The following DCDC1 variants were observed in gnomAD, a reference collection of about 807,000 sequenced individuals.
DCDC1 encodes the protein doublecortin domain containing 1, also known as doublecortin domain-containing protein 1.
Under a neutral mutation model 178.3 loss-of-function variants are expected in DCDC1, and 200 were observed. The ratio of observed to expected loss-of-function variants is 1.12; its 90% CI spans 1.00 to 1.26. The LOEUF is 1.26. Among genes scored for constraint, DCDC1 ranks in the 50% most tolerant of loss-of-function variants. The pLI, the probability that DCDC1 is intolerant of heterozygous loss-of-function variation, is 0.00. For missense variants in DCDC1, 1,983 were observed against 1,749.2 expected (o/e 1.13, Z -2.38); for synonymous variants, 690 against 604.8 (o/e 1.14, Z -2.07).
intron 6 of DCDC1, 125 bp downstream of exon 6, chr11:31,305,490 G>A: frequency 7.9e-7 from 1 of 1,262,650 alleles, no homozygotes; most frequent in Non-Finnish European, 1.1e-6. Flanking sequence ...TTACTGAGCT[G>A]TAAATGCGTA....
chr11:31,168,134 G>A (rs1249464047), intron 9 of DCDC1, among the ~76,000 whole-genome samples: 4 of 152,166 alleles, frequency 2.6e-5, no homozygotes, highest in African/African-American at 9.6e-5. Flanking sequence ...CATCAACACT[G>A]GTTTCCTTTT....
At chr11:30,897,988 C>T (rs886687144) in intron 34 of DCDC1, among the ~76,000 whole-genome samples, 13 of 152,080 alleles carry the variant, frequency 8.5e-5, no homozygotes, top group African/African-American at 2.9e-4. Flanking sequence ...TGAGTAGGAG[C>T]GACCTAACAG....
intron 11 of DCDC1, among the ~76,000 whole-genome samples, chr11:31,126,947 T>A (rs1445138660): frequency 6.6e-6 from 1 of 152,212 alleles, no homozygotes; most frequent in African/African-American, 2.4e-5. Context: ...CCAATTCACC[T>A]TTTTTCCCAG....
intron 9 of DCDC1, among the ~76,000 whole-genome samples, chr11:31,144,388 C>T (rs1286146708): frequency 4.6e-5 from 7 of 152,130 alleles, no homozygotes; most frequent in Non-Finnish European, 1.0e-4. Flanking sequence ...CCACCAGCCT[C>T]GGCTTCCCAA....
At chr11:31,233,150 T>G (rs1033507040) in intron 9 of DCDC1, among the ~76,000 whole-genome samples, 11 of 152,068 alleles carry the variant, frequency 7.2e-5, no homozygotes, top group African/African-American at 2.7e-4. Flanking sequence ...ATGAGGTAAG[T>G]ATTATTGTCT....
intron 30 of DCDC1, among the ~76,000 whole-genome samples, chr11:30,905,775 T>C (rs1945012194): frequency 6.6e-6 from 1 of 152,210 alleles, no homozygotes; most frequent in South Asian, 2.1e-4. Context: ...TGCTTTCAGG[T>C]TTCCCAGAGG....
chr11:31,103,831 A>T, intron 13 of DCDC1, 62 bp from the exon 14 acceptor site: 1 of 733,276 alleles, frequency 1.4e-6, no homozygotes, highest in East Asian at 2.4e-5. Flanking sequence ...TAATTTGAGC[A>T]CAAATAAACA....
chr11:30,970,984 C>T (rs1471561348), intron 20 of DCDC1, among the ~76,000 whole-genome samples: 1 of 152,164 alleles, frequency 6.6e-6, no homozygotes, highest in Non-Finnish European at 1.5e-5. Context: ...GTTGGGCCCA[C>T]CCAATCTGCC....
chr11:31,332,550 AT>A (rs1950049041), intron 2 of DCDC1, among the ~76,000 whole-genome samples: 1 of 152,132 alleles, frequency 6.6e-6, no homozygotes, highest in Admixed American at 6.5e-5. Context: ...ACTGCTTTAA[AT>A]GTGTCCCAGA....
chr11:31,165,659 T>C (rs1966716782), intron 9 of DCDC1, among the ~76,000 whole-genome samples: 1 of 152,210 alleles, frequency 6.6e-6, no homozygotes, highest in Admixed American at 6.5e-5. Flanking sequence ...GTACATGTCC[T>C]TGATCATTTT....
chr11:30,964,398 A>G (rs1949301322), intron 20 of DCDC1, among the ~76,000 whole-genome samples: 1 of 152,086 alleles, frequency 6.6e-6, no homozygotes, highest in Non-Finnish European at 1.5e-5. Context: ...TTCCACTGTC[A>G]TGGCTCTTTG....
At chr11:31,237,087 T>C (rs1214493374) in intron 9 of DCDC1, among the ~76,000 whole-genome samples, 1 of 151,940 alleles carries the variant, frequency 6.6e-6, no homozygotes, top group Non-Finnish European at 1.5e-5. Flanking sequence ...ATAATAAATG[T>C]AATTCAAGCA....
chr11:31,035,683 T>C (rs540452900), intron 20 of DCDC1, among the ~76,000 whole-genome samples: 1 of 152,244 alleles, frequency 6.6e-6, no homozygotes, highest in Non-Finnish European at 1.5e-5. Context: ...ATTTCCTTAG[T>C]AATTAATAAA....
intron 20 of DCDC1, among the ~76,000 whole-genome samples, chr11:30,970,099 C>A (rs1230201826): frequency 6.6e-6 from 1 of 152,150 alleles, no homozygotes; most frequent in South Asian, 2.1e-4. Flanking sequence ...TGGAGAGGAT[C>A]CCCAGTGTGG....
chr11:31,122,271 T>C (rs78134399), intron 11 of DCDC1, among the ~76,000 whole-genome samples: 3,130 of 152,214 alleles, frequency 0.021, 97 homozygotes, highest in African/African-American at 0.07. Context: ...GATATAAGTA[T>C]AGAGAAAAGT....
chr11:31,200,209 T>A (rs1159367786), intron 9 of DCDC1, among the ~76,000 whole-genome samples: 1 of 152,020 alleles, frequency 6.6e-6, no homozygotes, highest in Non-Finnish European at 1.5e-5. Context: ...TAATTTATAA[T>A]ACAAAAAAAG....
intron 20 of DCDC1, among the ~76,000 whole-genome samples, chr11:31,021,981 A>G (rs2135208944): frequency 6.6e-6 from 1 of 152,300 alleles, no homozygotes; most frequent in Non-Finnish European, 1.5e-5. Context: ...TCTCACAGGT[A>G]ATCACTCCAG....
chr11:31,240,528 T>C (rs561299586), intron 9 of DCDC1, among the ~76,000 whole-genome samples: 1 of 152,130 alleles, frequency 6.6e-6, no homozygotes, highest in African/African-American at 2.4e-5. Flanking sequence ...ACACTAAGAC[T>C]GATAGCCCAT....
In DCDC1 at chr11:31,265,542, T is replaced by A. The variant is rs1275191811; in HGVS notation, c.1019A>T (p.Asp340Val). The change falls in exon 8 of 39, where the codon GAT (aspartate) becomes GTT (valine). Residue 340 changes from aspartate to valine, a missense_variant. Physicochemically the swap from Asp to Val is radical, Grantham distance 152. Coordinates refer to ENST00000684477, the MANE Select transcript of DCDC1 (RefSeq NM_001387274.1). ...NLNLPARYFY[D>V]LYGRKIEDIS... ...ATCTTCAATTTTTCTGCCATACAAA[T>A]CATAAAAATATCTGGCTGGTAAATT... 1 of 1,452,566 alleles carries A rather than the reference T, an allele frequency of 6.9e-7. No individual in the cohort carries two copies. The highest frequency in any genetic ancestry group is 9.1e-7 in the Non-Finnish European group (1 of 1,098,166). The allele number at this position is 1,452,566 out of a possible 1,614,324, so 90.0% of individuals were successfully genotyped here. A position where few individuals can be genotyped will look rare whatever the true frequency, so the allele number is the denominator to read the frequency against.
Sources: allele counts gnomAD v4.1 joint callset (sites outside exome capture counted in the v4.1 genomes callset), GRCh38; gene constraint gnomAD v4.1.1; transcripts MANE v1.5; gene names NCBI Gene and HGNC (gene_info 2026-07-23, HGNC 2026-07-21).